The following RBFOX1 variants were observed in gnomAD, a reference collection of about 807,000 sequenced individuals.
The protein encoded by RBFOX1 is RNA binding protein fox-1 homolog 1.
Under a neutral mutation model 57.7 loss-of-function variants are expected in RBFOX1, and 8 were observed. The observed-to-expected ratio is 0.14, with a 90% CI of 0.08 to 0.25. The LOEUF is 0.25. Among genes scored for constraint, RBFOX1 ranks in the 10% least tolerant of loss-of-function variants. The probability of loss-of-function intolerance (pLI) is 1.00; values close to 1 mark genes in which losing one functional copy is unlikely to be tolerated. For synonymous variants in RBFOX1, 326 were observed against 222.4 expected (o/e 1.47, Z -4.15); for missense variants, 611 against 548.5 (o/e 1.11, Z -1.14).
At chr16:7,447,241 G>C (rs572059424) in intron 4 of RBFOX1, among the ~76,000 whole-genome samples, 1 of 151,756 alleles carries the variant, frequency 6.6e-6, no homozygotes, top group Non-Finnish European at 1.5e-5. Flanking sequence ...AGACCAGCCT[G>C]GCCAACATGG....
intron 3 of RBFOX1, among the ~76,000 whole-genome samples, chr16:6,919,646 T>C (rs1597230987): frequency 6.6e-6 from 1 of 152,014 alleles, no homozygotes; most frequent in Non-Finnish European, 1.5e-5. Flanking sequence ...TTTTTGTTGA[T>C]GGAGAGATAA....
chr16:6,386,231 A>G (rs1281663543), intron 2 of RBFOX1, among the ~76,000 whole-genome samples: 2 of 152,156 alleles, frequency 1.3e-5, no homozygotes, highest in African/African-American at 4.8e-5. Context: ...ACACATTTCT[A>G]AGCTTCACAC....
At chr16:5,888,888 AGC>A (rs2151930756) in intron 4 of RBFOX1, among the ~76,000 whole-genome samples, 1 of 152,032 alleles carries the variant, frequency 6.6e-6, no homozygotes, top group African/African-American at 2.4e-5. Context: ...CCTATCTAGA[AGC>A]TGAGGATGGT....
chr16:7,330,019 A>G (rs1336163215), intron 4 of RBFOX1, among the ~76,000 whole-genome samples: 1 of 152,194 alleles, frequency 6.6e-6, no homozygotes, highest in Non-Finnish European at 1.5e-5. Context: ...AGGTGATTGT[A>G]TCTAAACATA....
At chr16:7,075,268 G>A (rs149163505) in intron 4 of RBFOX1, among the ~76,000 whole-genome samples, 54 of 152,322 alleles carry the variant, frequency 3.5e-4, no homozygotes, top group African/African-American at 1.1e-3. Context: ...TGATCAAACC[G>A]TCTTCAAATG....
rs547129820 is a variant in RBFOX1, at chr16:7,297,591, C to G, written c.28-220556C>G. The stretch of plus-strand genomic sequence containing the variant: ...CTAGAATATTGCAACTCAGTAGTGG[C>G]TTTAAGCAGGTTTTCATGTACTAGC... On this transcript the variant is annotated intron_variant, in intron 4 of 15. Transcript: ENST00000550418. Among the ~76,000 whole-genome samples the G allele has an allele frequency of 2.0e-5, 3 of 152,122 alleles. No homozygotes were observed. In the East Asian group the frequency reaches 5.8e-4, roughly 29 times the overall value.
chr16:6,068,549 A>T (rs1489417055), intron 1 of RBFOX1, among the ~76,000 whole-genome samples: 1 of 152,126 alleles, frequency 6.6e-6, no homozygotes, highest in Non-Finnish European at 1.5e-5. Context: ...GTATCCACAA[A>T]CAAGTTTATT....
At chr16:5,696,348 C>T (rs184122164) in intron 3 of RBFOX1, among the ~76,000 whole-genome samples, 1 of 152,254 alleles carries the variant, frequency 6.6e-6, no homozygotes, top group East Asian at 1.9e-4. Context: ...CCAGTTTATT[C>T]ATTTTAACTT....
chr16:7,156,533 G>A (rs186494213), intron 4 of RBFOX1, among the ~76,000 whole-genome samples: 47 of 151,916 alleles, frequency 3.1e-4, no homozygotes, highest in Non-Finnish European at 7.4e-5. Context: ...ATATATATGT[G>A]TACATATGCA....
At chr16:5,455,953 G>T (rs1424853162) in intron 1 of RBFOX1, among the ~76,000 whole-genome samples, 1 of 152,020 alleles carries the variant, frequency 6.6e-6, no homozygotes, top group African/African-American at 2.4e-5. Flanking sequence ...ATCAGGCATT[G>T]TTCTAAATAA....
Position 6,019,130 on chromosome 16 carries a change from C to T in RBFOX1, c.-989C>T, listed in dbSNP as rs1023125193. Reference sequence around the variant, plus strand: ...ACATGCACACATTTTCTCGCGCTCTCTCCGGCTCTCCTTTGTTTATTTTCT... The same window carrying T: ...ACATGCACACATTTTCTCGCGCTCTTTCCGGCTCTCCTTTGTTTATTTTCT... On this transcript the variant is annotated 5_prime_UTR_variant, in exon 1 of 16. Coordinates refer to ENST00000550418, the MANE Select transcript of RBFOX1 (RefSeq NM_018723.4). This position sits in a 1 kb window ranked among gnomAD's most constrained non-coding sequence, Gnocchi z 4.2. 5 of 984,970 alleles carry T rather than the reference C, an allele frequency of 5.1e-6. No homozygotes were observed. Among genetic ancestry groups the T allele is most frequent in the South Asian group, 9.4e-5 (2 of 21,226 alleles). The allele number at this position is 984,970 out of a possible 1,614,324, so 61.0% of individuals were successfully genotyped here. A position where few individuals can be genotyped will look rare whatever the true frequency, so the allele number is the denominator to read the frequency against.
intron 4 of RBFOX1, among the ~76,000 whole-genome samples, chr16:5,990,997 G>A (rs1283911490): frequency 6.6e-6 from 1 of 152,050 alleles, no homozygotes; most frequent in Non-Finnish European, 1.5e-5. Flanking sequence ...AATACATTTG[G>A]TTATGCCTCC....
chr16:6,550,992 G>A (rs1295909950), intron 2 of RBFOX1, among the ~76,000 whole-genome samples: 5 of 152,176 alleles, frequency 3.3e-5, no homozygotes, highest in Admixed American at 3.3e-4. Flanking sequence ...TAGTTTGGAG[G>A]AGCACAGGAG....
At chr16:6,115,619 C>G (rs1223661411) in intron 1 of RBFOX1, among the ~76,000 whole-genome samples, 1 of 152,128 alleles carries the variant, frequency 6.6e-6, no homozygotes, top group East Asian at 1.9e-4. Flanking sequence ...TATAGCATAT[C>G]TTTACTCTAA....
chr16:5,768,174 A>T (rs1279708829), intron 3 of RBFOX1, among the ~76,000 whole-genome samples: 1 of 152,222 alleles, frequency 6.6e-6, no homozygotes, highest in Non-Finnish European at 1.5e-5. Context: ...CGCGTGAGAT[A>T]TATAGGATTT....
intron 3 of RBFOX1, among the ~76,000 whole-genome samples, chr16:6,968,471 A>T (rs1338346430): frequency 6.6e-6 from 1 of 151,958 alleles, no homozygotes; most frequent in Non-Finnish European, 1.5e-5. Context: ...GGACCGAAAA[A>T]CTGAGGCTTC....
At chr16:7,300,368 C>A (rs1736340259) in intron 4 of RBFOX1, among the ~76,000 whole-genome samples, 1 of 152,208 alleles carries the variant, frequency 6.6e-6, no homozygotes, top group East Asian at 1.9e-4. Context: ...GCCAGTGACT[C>A]AAAGTGCTTT....
intron 4 of RBFOX1, among the ~76,000 whole-genome samples, chr16:7,385,672 G>A (rs1197398480): frequency 6.6e-6 from 1 of 152,172 alleles, no homozygotes; most frequent in Non-Finnish European, 1.5e-5. Flanking sequence ...TTTCTACACA[G>A]GGATGCAACT....
At chr16:7,125,772 C>A (rs978039122) in intron 4 of RBFOX1, among the ~76,000 whole-genome samples, 1 of 152,006 alleles carries the variant, frequency 6.6e-6, no homozygotes, top group Non-Finnish European at 1.5e-5. Flanking sequence ...GATATGACTG[C>A]AAACGATTAA....
Sources: allele counts gnomAD v4.1 joint callset (sites outside exome capture counted in the v4.1 genomes callset), GRCh38; gene constraint gnomAD v4.1.1; non-coding constraint Gnocchi (gnomAD v3.1); transcripts MANE v1.5; gene names NCBI Gene and HGNC (gene_info 2026-07-23, HGNC 2026-07-21).